The following CSMD1 variants were observed in gnomAD, a reference collection of about 807,000 sequenced individuals.
The protein encoded by CSMD1 is CUB and Sushi multiple domains 1.
A neutral mutation model predicts 417.5 loss-of-function variants in CSMD1; 213 were observed. That is an observed-to-expected ratio of 0.51 (90% CI 0.46 to 0.57). CSMD1 has a LOEUF of 0.57. Ranked by LOEUF, CSMD1 falls within the 20% of genes least tolerant of loss-of-function variation. The pLI is 0.00. For missense variants in CSMD1, 6,923 were observed against 4,529.7 expected (o/e 1.53, Z -15.17); for synonymous variants, 2,862 against 1,736.8 (o/e 1.65, Z -16.11).
At chr8:4,117,213 C>T (rs1802205364) in intron 3 of CSMD1, among the ~76,000 whole-genome samples, 1 of 147,666 alleles carries the variant, frequency 6.8e-6, no homozygotes, top group African/African-American at 2.5e-5. Flanking sequence ...TTCCAAGGAC[C>T]CCCTCCATCT....
chr8:3,893,106 A>C (rs1171656725), intron 5 of CSMD1, among the ~76,000 whole-genome samples: 1 of 151,964 alleles, frequency 6.6e-6, no homozygotes, highest in East Asian at 1.9e-4. Context: ...TATCTCTGCA[A>C]AAAACATGAC....
chr8:3,339,344 T>C (rs1807491667), intron 23 of CSMD1, among the ~76,000 whole-genome samples: 1 of 152,118 alleles, frequency 6.6e-6, no homozygotes, highest in Non-Finnish European at 1.5e-5. Flanking sequence ...TTCCTGACTA[T>C]GGGTTCTCTT....
chr8:3,028,055 T>C (rs548428348), intron 51 of CSMD1, among the ~76,000 whole-genome samples: 1 of 152,166 alleles, frequency 6.6e-6, no homozygotes, highest in Non-Finnish European at 1.5e-5. Context: ...TAGGTGGGCA[T>C]CCCTGGGAAA....
At chr8:4,414,713 A>G (rs1796832233) in intron 3 of CSMD1, among the ~76,000 whole-genome samples, 1 of 152,216 alleles carries the variant, frequency 6.6e-6, no homozygotes, top group Non-Finnish European at 1.5e-5. Context: ...GGAAATATGA[A>G]CTACTAGAAA....
In CSMD1 at chr8:3,468,844, C is replaced by G. The variant is rs768914510; in HGVS notation, c.1449-20G>C. ...GTGAGCCTGCAAGAAAGAGAAATGT[C>G]AAAGCTTTTAGGTAAGGCAACAAGT... On this transcript the variant is annotated intron_variant, in intron 11 of 69. Transcript: ENST00000635120. 3.5e-5 allele frequency: 54 copies of G among 1,536,530 alleles called. No individual in the cohort carries two copies. Among genetic ancestry groups the G allele is most frequent in the African/African-American group, 1.4e-5 (1 of 73,354 alleles).
chr8:4,911,164 C>G (rs1805645564), intron 1 of CSMD1, among the ~76,000 whole-genome samples: 1 of 152,212 alleles, frequency 6.6e-6, no homozygotes, highest in Non-Finnish European at 1.5e-5. Flanking sequence ...TCTTTATCAG[C>G]AGTGTGAAAA....
intron 18 of CSMD1, among the ~76,000 whole-genome samples, chr8:3,370,400 G>C (rs1029265060): frequency 6.6e-6 from 1 of 152,184 alleles, no homozygotes; most frequent in Non-Finnish European, 1.5e-5. Flanking sequence ...TCTTCTCCTG[G>C]AACCTCTCCA....
chr8:3,774,151 A>C (rs2129060306), intron 5 of CSMD1, among the ~76,000 whole-genome samples: 1 of 152,266 alleles, frequency 6.6e-6, no homozygotes. Flanking sequence ...CGCTGCACAA[A>C]GTGTTATCTA....
chr8:4,431,594 T>C (rs1797875656), intron 2 of CSMD1, among the ~76,000 whole-genome samples: 1 of 152,088 alleles, frequency 6.6e-6, no homozygotes, highest in South Asian at 2.1e-4. Context: ...AGGCTACCTC[T>C]TTGTGGCAAA....
chr8:4,159,608 A>G (rs553260304), intron 3 of CSMD1, among the ~76,000 whole-genome samples: 64 of 152,306 alleles, frequency 4.2e-4, no homozygotes, highest in African/African-American at 1.5e-3. Context: ...TATTATTGTG[A>G]GACAGAGTCT....
chr8:3,002,805 C>G (rs1382051578), intron 52 of CSMD1, among the ~76,000 whole-genome samples: 1 of 152,214 alleles, frequency 6.6e-6, no homozygotes, highest in African/African-American at 2.4e-5. Context: ...ACAGCCATGA[C>G]TGTAAATAAA....
chr8:4,279,777 T>C (rs1339083693), intron 3 of CSMD1, among the ~76,000 whole-genome samples: 3 of 152,192 alleles, frequency 2.0e-5, no homozygotes, highest in South Asian at 2.1e-4. Flanking sequence ...ACGTAAGATA[T>C]GGAGGAGGCC....
intron 12 of CSMD1, among the ~76,000 whole-genome samples, chr8:3,427,759 C>A (rs1035197350): frequency 1.3e-5 from 2 of 152,046 alleles, no homozygotes; most frequent in African/African-American, 4.8e-5. Flanking sequence ...TAATAATAAC[C>A]TATCTTAATG....
intron 57 of CSMD1, among the ~76,000 whole-genome samples, chr8:2,969,136 A>C (rs796413793): frequency 9.2e-5 from 14 of 152,258 alleles, no homozygotes; most frequent in African/African-American, 3.4e-4. Flanking sequence ...GTATTATAAA[A>C]ATACTTATTC....
chr8:2,970,543 A>C (rs1804367789), intron 57 of CSMD1, among the ~76,000 whole-genome samples: 1 of 152,252 alleles, frequency 6.6e-6, no homozygotes, highest in African/African-American at 2.4e-5. Context: ...TAATTATTCC[A>C]GCATTCACTT....
At chr8:3,977,193 A>T (rs1483794496) in intron 5 of CSMD1, among the ~76,000 whole-genome samples, 2 of 152,060 alleles carry the variant, frequency 1.3e-5, no homozygotes, top group Non-Finnish European at 2.9e-5. Context: ...TTTCCCTGGG[A>T]TCACAATCAG....
chr8:4,018,149 T>C (rs1796613338), intron 4 of CSMD1, among the ~76,000 whole-genome samples: 1 of 152,204 alleles, frequency 6.6e-6, no homozygotes, highest in African/African-American at 2.4e-5. Flanking sequence ...TATGTCTTTT[T>C]TCAAAGAAAC....
rs567161154 is a variant in CSMD1, at chr8:4,396,370, G to C, written c.415+23583C>G. Among the ~76,000 whole-genome samples the C allele has an allele frequency of 2.2e-4, 34 of 152,164 alleles. No homozygotes were observed. In the South Asian group the frequency reaches 6.4e-3, roughly 29 times the overall value. On this transcript the variant is annotated intron_variant, in intron 3 of 69. Transcript: ENST00000635120. ...TACTCCCAGCTACTCAGGAAGCTGA[G>C]GCAGGAGGATTGCTTGAGCCTGGGA... is the stretch of plus-strand genomic sequence containing the variant.
intron 3 of CSMD1, among the ~76,000 whole-genome samples, chr8:4,167,453 G>A (rs150019048): frequency 1.3e-4 from 20 of 152,280 alleles, no homozygotes; most frequent in Non-Finnish European, 1.9e-4. Context: ...CACTGGAATA[G>A]AATGACGGTG....
Sources: allele counts gnomAD v4.1 joint callset (sites outside exome capture counted in the v4.1 genomes callset), GRCh38; gene constraint gnomAD v4.1.1; transcripts MANE v1.5; gene names NCBI Gene and HGNC (gene_info 2026-07-23, HGNC 2026-07-21).